The following TLN2 variants were observed in gnomAD, a reference collection of about 807,000 sequenced individuals.
TLN2 encodes talin-2.
A neutral mutation model predicts 294.7 loss-of-function variants in TLN2; 118 were observed. The observed-to-expected ratio is 0.40, with a 90% CI of 0.34 to 0.47. The LOEUF (loss-of-function observed/expected upper bound fraction) is 0.47. Ranked by LOEUF, TLN2 falls within the 20% of genes least tolerant of loss-of-function variation. The pLI, the probability that TLN2 is intolerant of heterozygous loss-of-function variation, is 0.84. For missense variants in TLN2, 3,083 were observed against 3,282.2 expected, an observed-to-expected ratio of 0.94 and a Z score of 1.48; for synonymous variants, 1,431 against 1,304.5, an observed-to-expected ratio of 1.10 and a Z score of -2.09.
At chr15:62,768,850 A>T (rs956813913) in intron 41 of TLN2, among the ~76,000 whole-genome samples, 13 of 152,246 alleles carry the variant, frequency 8.5e-5, no homozygotes, top group African/African-American at 3.1e-4. Context: ...AAGGGCTTTC[A>T]TGTACACTAA....
At chr15:62,593,288 G>A (rs1230189275) in intron 2 of TLN2, among the ~76,000 whole-genome samples, 3 of 152,212 alleles carry the variant, frequency 2.0e-5, no homozygotes, top group African/African-American at 7.2e-5. Context: ...TCTCCCACCT[G>A]CAGGCTCCCT....
rs528783031 is a variant in TLN2 at position 62,712,168 on chromosome 15, G to T, written c.2634+91G>T. The stretch of plus-strand genomic sequence containing the variant: ...TTCCAGATGGGGCATGGTCATCCGA[G>T]TGTGCATTTTTGTTTGCTTAAAACC... On this transcript the variant is annotated intron_variant, in intron 22 of 58. Coordinates refer to ENST00000636159, the MANE Select transcript of TLN2 (RefSeq NM_015059.3). The T allele has an allele frequency of 5.6e-4, 831 of 1,490,776 alleles. 7 individuals carry two copies. In the South Asian group the frequency reaches 8.7e-3, roughly 16 times the overall value. 92.3% of individuals were successfully genotyped at this position (1,490,776 alleles called of 1,614,324 possible).
At chr15:62,687,634 C>T (rs2057393467) in intron 12 of TLN2, among the ~76,000 whole-genome samples, 1 of 152,136 alleles carries the variant, frequency 6.6e-6, no homozygotes, top group Non-Finnish European at 1.5e-5. Flanking sequence ...TTTGTCAGTT[C>T]TTAAGACTCT....
At chr15:62,488,713 A>G (rs547729667) in intron 1 of TLN2, among the ~76,000 whole-genome samples, 49 of 152,354 alleles carry the variant, frequency 3.2e-4, no homozygotes, top group African/African-American at 8.4e-4. Flanking sequence ...TCAGAATACA[A>G]TGATCAGCCA....
chr15:62,689,066 C>CTTTTTTTTTTTTTT (rs1268915635), intron 12 of TLN2, among the ~76,000 whole-genome samples: 1 of 136,092 alleles, frequency 7.3e-6, no homozygotes, highest in Non-Finnish European at 1.6e-5. Flanking sequence ...ATTTCTCTCT[C>CTTTTTTTTTTTTTT]TCTTTTTTTT....
chr15:62,589,889 G>C (rs190667977), intron 2 of TLN2, 127 bp downstream of exon 2: 1 of 152,184 alleles, frequency 6.6e-6, no homozygotes, highest in Non-Finnish European at 1.5e-5. Context: ...GTGGTTTTGC[G>C]AGGCAGGTGT....
At chr15:62,478,992 A>G (rs1014411384) in intron 1 of TLN2, among the ~76,000 whole-genome samples, 42 of 152,212 alleles carry the variant, frequency 2.8e-4, no homozygotes, top group African/African-American at 1.0e-3. Context: ...GATGGGAAAC[A>G]TGCTATCACT....
intron 54 of TLN2, among the ~76,000 whole-genome samples, chr15:62,825,836 A>ATTATATAT (rs1555522053): frequency 2.3e-4 from 18 of 77,028 alleles, no homozygotes; most frequent in African/African-American, 1.4e-3. Flanking sequence ...TATAATATAT[A>ATTATATAT]ATATATATAA....
chr15:62,779,959 T>C (rs1338687576), intron 43 of TLN2, among the ~76,000 whole-genome samples: 2 of 152,224 alleles, frequency 1.3e-5, no homozygotes, highest in Admixed American at 1.3e-4. Context: ...AGATACCAGC[T>C]AACATTTTCC....
chr15:62,799,536 C>T (rs1002104063), intron 48 of TLN2, among the ~76,000 whole-genome samples: 2 of 152,196 alleles, frequency 1.3e-5, no homozygotes, highest in African/African-American at 4.8e-5. Context: ...TATGTGGGAA[C>T]GTACCTGCAT....
chr15:62,587,613 A>G (rs572252039), intron 1 of TLN2, among the ~76,000 whole-genome samples: 29 of 152,264 alleles, frequency 1.9e-4, no homozygotes, highest in Non-Finnish European at 2.6e-4. Flanking sequence ...AGGGGCATTT[A>G]TCCTCCTCCT....
chr15:62,716,550 A>G (rs1246738835), intron 23 of TLN2, 91 bp downstream of exon 23: 3 of 1,447,376 alleles, frequency 2.1e-6, no homozygotes, highest in Non-Finnish European at 2.7e-6. Flanking sequence ...TGTTGACAAT[A>G]TAAAGAAAGC....
intron 12 of TLN2, among the ~76,000 whole-genome samples, chr15:62,688,770 TTTTG>T (rs1430267567): frequency 6.6e-6 from 1 of 152,162 alleles, no homozygotes; most frequent in African/African-American, 2.4e-5. Flanking sequence ...TGTTAGTAAT[TTTTG>T]TTTTTCTCTG....
chr15:62,776,357 G>A (rs2063721140), intron 42 of TLN2, among the ~76,000 whole-genome samples: 1 of 152,042 alleles, frequency 6.6e-6, no homozygotes, highest in Non-Finnish European at 1.5e-5. Context: ...TTTAGACGGG[G>A]AACTATAGTG....
intron 1 of TLN2, among the ~76,000 whole-genome samples, chr15:62,490,963 C>T (rs1003226410): frequency 1.3e-5 from 2 of 152,148 alleles, no homozygotes; most frequent in Admixed American, 6.6e-5. Flanking sequence ...ATCCTGATGA[C>T]ATGGGCCCTG....
At chr15:62,413,062 G>A (rs1402366073) in intron 1 of TLN2, among the ~76,000 whole-genome samples, 2 of 152,164 alleles carry the variant, frequency 1.3e-5, no homozygotes, top group African/African-American at 4.8e-5. Flanking sequence ...CGAGAAAAAT[G>A]AACAATGCCA....
chr15:62,502,978 C>T (rs1382291451), intron 1 of TLN2, among the ~76,000 whole-genome samples: 5 of 152,090 alleles, frequency 3.3e-5, no homozygotes, highest in African/African-American at 1.2e-4. Flanking sequence ...TTCACAGTTC[C>T]GTTTGCTGCG....
At chr15:62,494,029 A>C (rs2038891471) in intron 1 of TLN2, among the ~76,000 whole-genome samples, 1 of 151,956 alleles carries the variant, frequency 6.6e-6, no homozygotes, top group South Asian at 2.1e-4. Flanking sequence ...TGTCTGGGTG[A>C]TCCTAGGATT....
At chr15:62,567,933 C>G (rs1271192319) in intron 1 of TLN2, among the ~76,000 whole-genome samples, 1 of 152,114 alleles carries the variant, frequency 6.6e-6, no homozygotes, top group African/African-American at 2.4e-5. Flanking sequence ...AAGATGATGC[C>G]TTTTGGTTTA....
Sources: gnomAD v4.1 joint callset for allele counts (sites outside exome capture counted in the v4.1 genomes callset) on GRCh38, gnomAD v4.1.1 for gene constraint, MANE v1.5 for transcripts, NCBI Gene and HGNC (gene_info 2026-07-23, HGNC 2026-07-21) for gene names.